The following FBXO10 variants were observed in gnomAD, a reference collection of about 807,000 sequenced individuals.
The protein encoded by FBXO10 is F-box protein 10.
Under a neutral mutation model 80.7 loss-of-function variants are expected in FBXO10, and 39 were observed. That is an observed-to-expected ratio of 0.48 (90% confidence interval 0.37 to 0.63). FBXO10 has a LOEUF of 0.63. FBXO10 is among the 30% of genes least tolerant of loss of function. The pLI is 0.00. For synonymous variants in FBXO10, 449 were observed against 489.6 expected, an observed-to-expected ratio of 0.92 and a Z score of 1.09; for missense variants, 1,025 against 1,269.0, an observed-to-expected ratio of 0.81 and a Z score of 2.92.
chr9:37,566,313 G>A (rs528631552), intron 1 of FBXO10, among the ~76,000 whole-genome samples: 1 of 152,228 alleles, frequency 6.6e-6, no homozygotes, highest in South Asian at 2.1e-4. Flanking sequence ...AGTAAGATTA[G>A]CCAGGCATAG....
intron 1 of FBXO10, among the ~76,000 whole-genome samples, chr9:37,570,269 G>A (rs980115374): frequency 4.6e-5 from 7 of 151,932 alleles, no homozygotes; most frequent in African/African-American, 1.7e-4. Flanking sequence ...AGCCGAGATT[G>A]TGCCATTGCA....
intron 1 of FBXO10, among the ~76,000 whole-genome samples, chr9:37,560,848 A>C (rs1822461818): frequency 6.6e-6 from 1 of 152,136 alleles, no homozygotes; most frequent in Admixed American, 6.5e-5. Context: ...TTGATTAAAA[A>C]AACTTTTTAT....
At chr9:37,544,850 C>T (rs1057415730) in intron 1 of FBXO10, among the ~76,000 whole-genome samples, 6 of 151,744 alleles carry the variant, frequency 4.0e-5, no homozygotes, top group African/African-American at 1.2e-4. Context: ...AAAAATTAGC[C>T]GGGCGTGGTG....
intron 2 of FBXO10, among the ~76,000 whole-genome samples, chr9:37,539,260 T>C (rs117965237): frequency 0.027 from 4,122 of 152,338 alleles, 72 homozygotes; most frequent in Middle Eastern, 0.071. Flanking sequence ...AAATCCATTT[T>C]CTCTCTAAAG....
intron 6 of FBXO10, 107 bp downstream of exon 6, chr9:37,524,995 G>C (rs1426243587): frequency 2.1e-6 from 2 of 936,902 alleles, no homozygotes; most frequent in African/African-American, 1.7e-5. Flanking sequence ...CAGAGAAAGA[G>C]GCCATAGTCT....
chr9:37,535,148 T>A (rs1214298904), intron 3 of FBXO10, among the ~76,000 whole-genome samples: 1 of 152,052 alleles, frequency 6.6e-6, no homozygotes, highest in Non-Finnish European at 1.5e-5. Flanking sequence ...ACGCTGAGGA[T>A]AATCCTATCA....
intron 1 of FBXO10, among the ~76,000 whole-genome samples, chr9:37,567,424 C>T (rs1256468781): frequency 1.3e-5 from 2 of 151,888 alleles, no homozygotes; most frequent in Non-Finnish European, 2.9e-5. Context: ...GGATTATAGG[C>T]GTGAGCCACC....
At chr9:37,544,862 C>T (rs904956556) in intron 1 of FBXO10, among the ~76,000 whole-genome samples, 5 of 151,490 alleles carry the variant, frequency 3.3e-5, no homozygotes, top group South Asian at 2.1e-4. Flanking sequence ...GGCGTGGTGG[C>T]GGGTGCCTGT....
At chr9:37,532,218 G>T (rs1232006602) in intron 3 of FBXO10, among the ~76,000 whole-genome samples, 160 bp from the exon 4 acceptor site, 1 of 151,886 alleles carries the variant, frequency 6.6e-6, no homozygotes, top group East Asian at 1.9e-4. Context: ...CTCCCACTGT[G>T]TGCTCCCAGG....
chr9:37,538,851 T>C (rs1406167447), intron 2 of FBXO10, among the ~76,000 whole-genome samples: 2 of 152,110 alleles, frequency 1.3e-5, no homozygotes, highest in African/African-American at 4.8e-5. Flanking sequence ...AGGCACAAAC[T>C]TAGCACTCAA....
intron 1 of FBXO10, among the ~76,000 whole-genome samples, chr9:37,567,148 C>CT (rs111249142): frequency 0.058 from 7,998 of 136,788 alleles, 597 homozygotes; most frequent in African/African-American, 0.17. Context: ...TTCTTTTTTT[C>CT]TTTTTTTTTT....
At chr9:37,523,321 G>A (rs1267777186) in intron 6 of FBXO10, among the ~76,000 whole-genome samples, 9 of 152,040 alleles carry the variant, frequency 5.9e-5, no homozygotes, top group South Asian at 2.1e-4. Context: ...AGGCCAAGGC[G>A]GGTAGATCAC....
At chr9:37,523,819 AG>A (rs1178644383) in intron 6 of FBXO10, among the ~76,000 whole-genome samples, 1 of 152,236 alleles carries the variant, frequency 6.6e-6, no homozygotes, top group African/African-American at 2.4e-5. Flanking sequence ...CGGGAGGCTG[AG>A]GCAGAAGAAT....
chr9:37,522,719 G>A (rs1471471902), intron 7 of FBXO10, 106 bp downstream of exon 7: 3 of 1,334,542 alleles, frequency 2.2e-6, no homozygotes, highest in Non-Finnish European at 3.1e-6. Flanking sequence ...GTTCAGATGA[G>A]GTCTTTGAGG....
Position 37,529,817 on chromosome 9 carries a change from T to C in FBXO10, c.1570-557A>G, listed in dbSNP as rs555130815. On this transcript the variant is annotated intron_variant, in intron 4 of 10. Transcript: ENST00000432825. ...ATAAGGTCTTAGAAGGTGTATGAGCTACAGAATGCCAAGAGATATCTTTTT... is the reference window on the plus strand; with the variant it reads ...ATAAGGTCTTAGAAGGTGTATGAGCCACAGAATGCCAAGAGATATCTTTTT... Among the ~76,000 whole-genome samples the C allele has an allele frequency of 1.3e-4, 19 of 151,064 alleles. No individual in the cohort carries two copies. The South Asian group carries it at 2.9e-3, about 23-fold the overall frequency.
At chr9:37,574,191 C>T (rs937700000) in intron 1 of FBXO10, among the ~76,000 whole-genome samples, 1 of 152,174 alleles carries the variant, frequency 6.6e-6, no homozygotes, top group Admixed American at 6.5e-5. Flanking sequence ...TCTGAGGTCC[C>T]TAAGGCCAGA....
Position 37,512,382 on chromosome 9 carries a change from G to A in FBXO10, c.*165C>T, listed in dbSNP as rs1821077677. 8.6e-6 allele frequency: 5 copies of A among 582,284 alleles called. No homozygotes were observed. The highest frequency in any genetic ancestry group is 3.4e-5 in the Admixed American group (1 of 29,346). 36.1% of individuals were successfully genotyped at this position (582,284 alleles called of 1,614,324 possible). On this transcript the variant is annotated 3_prime_UTR_variant, in exon 11 of 11. Transcript: ENST00000432825. Reference sequence around the variant, plus strand: ...GAAAAACATTGCCCACTTTCTTCTTGCTATGGGCTGTGGAGCTGAAGTGTT... The same window carrying A: ...GAAAAACATTGCCCACTTTCTTCTTACTATGGGCTGTGGAGCTGAAGTGTT...
intron 6 of FBXO10, 59 bp from the exon 7 acceptor site, chr9:37,523,036 A>T: frequency 6.4e-7 from 1 of 1,551,480 alleles, no homozygotes; most frequent in Non-Finnish European, 8.7e-7. Context: ...GTGCTGGCAA[A>T]TAGGACTTGG....
intron 1 of FBXO10, among the ~76,000 whole-genome samples, chr9:37,549,111 A>G (rs1050343109): frequency 6.6e-6 from 1 of 152,164 alleles, no homozygotes; most frequent in Non-Finnish European, 1.5e-5. Flanking sequence ...GTGGTTCCCC[A>G]TGGAGTCCTG....
Sources: gnomAD v4.1 joint callset for allele counts (sites outside exome capture counted in the v4.1 genomes callset) on GRCh38, gnomAD v4.1.1 for gene constraint, MANE v1.5 for transcripts, NCBI Gene and HGNC (gene_info 2026-07-23, HGNC 2026-07-21) for gene names.